MED12L: variants seen among roughly 807,000 people sequenced by gnomAD.
The protein encoded by MED12L is mediator of RNA polymerase II transcription subunit 12-like protein.
A neutral mutation model predicts 281.3 loss-of-function variants in MED12L; 60 were observed. The observed-to-expected ratio is 0.21, with a 90% CI of 0.17 to 0.26. The LOEUF is 0.26. MED12L is among the 10% of genes least tolerant of loss of function. MED12L has a pLI of 1.00. For missense variants in MED12L, 2,146 were observed against 2,680.9 expected, an observed-to-expected ratio of 0.80 and a Z score of 4.41; for synonymous variants, 974 against 987.2, an observed-to-expected ratio of 0.99 and a Z score of 0.25.
chr3:151,358,767 G>A (rs1754254298), intron 20 of MED12L, among the ~76,000 whole-genome samples: 1 of 152,100 alleles, frequency 6.6e-6, no homozygotes, highest in Non-Finnish European at 1.5e-5. Context: ...TATGTGAACA[G>A]TACACTGGAT....
Position 151,357,286 on chromosome 3 carries a change from C to T in MED12L, c.2735C>T (p.Thr912Ile). 1 of 1,613,816 alleles carries T rather than the reference C, an allele frequency of 6.2e-7. No homozygotes were observed. ...TCCAGCCTGGCAGGAAGTTATACAA[C>T]AGGACTGTGTGTCTGCATCGTGGCT... ...KSSSLAGSYTTGLCVCIVAVL... is the reference protein window; with the variant it reads ...KSSSLAGSYTIGLCVCIVAVL... Residue 912 changes from threonine (T) to isoleucine (I), a missense_variant, in exon 20 of 45, where the codon ACA (threonine) becomes ATA (isoleucine). Transcript: ENST00000687756.
At chr3:151,388,291 T>A (rs1713735860) in intron 37 of MED12L, 119 bp downstream of exon 37, 4 of 1,268,540 alleles carry the variant, frequency 3.2e-6, no homozygotes, top group Non-Finnish European at 4.3e-6. Flanking sequence ...TTATGACAGT[T>A]CTCCTAACAG....
chr3:151,166,377 A>C (rs1720713321), intron 11 of MED12L, among the ~76,000 whole-genome samples: 1 of 152,176 alleles, frequency 6.6e-6, no homozygotes, highest in South Asian at 2.1e-4. Flanking sequence ...TGATCTTTCA[A>C]AAATCCTTAG....
intron 16 of MED12L, among the ~76,000 whole-genome samples, chr3:151,333,619 A>G (rs538253812): frequency 3.3e-5 from 5 of 152,336 alleles, no homozygotes; most frequent in African/African-American, 1.2e-4. Context: ...TAGAGCATGT[A>G]TGTGTCCATA....
intron 16 of MED12L, chr3:151,294,261 A>AT (rs1559992905): frequency 9.3e-6 from 15 of 1,613,936 alleles, no homozygotes; most frequent in East Asian, 2.2e-5. Context: ...CTGATATTTG[A>AT]TTTTTTGAAC....
At chr3:151,182,427 AAACATTTTC>A (rs1353075274) in intron 11 of MED12L, among the ~76,000 whole-genome samples, 1 of 152,242 alleles carries the variant, frequency 6.6e-6, no homozygotes, top group African/African-American at 2.4e-5. Flanking sequence ...TAAGTGAAGA[AAACATTTTC>A]AGATAGCAGC....
chr3:151,249,841 A>G (rs1736488774), intron 16 of MED12L, among the ~76,000 whole-genome samples: 1 of 152,186 alleles, frequency 6.6e-6, no homozygotes, highest in African/African-American at 2.4e-5. Flanking sequence ...CAGTCATAAT[A>G]CATCTTTCAG....
intron 1 of MED12L, among the ~76,000 whole-genome samples, chr3:151,086,162 G>T (rs1260326480): frequency 6.6e-6 from 1 of 152,142 alleles, no homozygotes; most frequent in African/African-American, 2.4e-5. Flanking sequence ...CCAGCAGCGC[G>T]CCTCGGCGCC....
At chr3:151,242,995 C>A (rs1028351919) in intron 16 of MED12L, among the ~76,000 whole-genome samples, 95 of 151,582 alleles carry the variant, frequency 6.3e-4, no homozygotes, top group Non-Finnish European at 1.2e-3. Context: ...CCCATGCGAT[C>A]AACTGGAAGA....
At chr3:151,262,965 C>T (rs779679407) in intron 16 of MED12L, among the ~76,000 whole-genome samples, 17 of 152,048 alleles carry the variant, frequency 1.1e-4, no homozygotes, top group African/African-American at 3.9e-4. Context: ...CAGGGGAAGC[C>T]GTAGTTCTCT....
In MED12L at chr3:151,145,664, A is replaced by C. The variant is rs183174081; in HGVS notation, c.557-10497A>C. 3.7e-4 allele frequency among the ~76,000 whole-genome samples: 57 copies of C among 152,324 alleles called. No individual in the cohort carries two copies. In the East Asian group the frequency reaches 9.6e-3, roughly 26 times the overall value. ...AGTGTCCATGGGATCTCTTTCTTAC[A>C]CTTGGATGTGAATCTACAGTTATCT... On this transcript the variant is annotated intron_variant, in intron 5 of 44. Coordinates refer to ENST00000687756, the MANE Select transcript of MED12L (RefSeq NM_001393769.1).
intron 16 of MED12L, among the ~76,000 whole-genome samples, chr3:151,304,134 G>A (rs1263152630): frequency 1.3e-5 from 2 of 152,116 alleles, no homozygotes; most frequent in African/African-American, 4.8e-5. Flanking sequence ...ATGATTGTAA[G>A]GTGAGGAAGT....
Position 151,355,941 on chromosome 3 carries a change from A to G in MED12L, c.2563A>G (p.Thr855Ala), listed in dbSNP as rs1199397231. The change falls in exon 19 of 45, where the codon ACA becomes GCA. Residue 855 changes from threonine (T) to alanine (A), a missense_variant. Thr to Ala is a moderately conservative substitution (Grantham distance 58, BLOSUM62 0). Transcript: ENST00000687756. ...LEQITSFASG[T>A]SYHLPLAHHI... ...ACAAATCACAAGCTTTGCGTCAGGA[A>G]CATCCTATCATCTCCCTTTGGCTCA... 1 of 1,614,096 alleles carries G rather than the reference A, an allele frequency of 6.2e-7. No homozygotes were observed.
At chr3:151,204,252 C>G (rs548588101) in intron 16 of MED12L, among the ~76,000 whole-genome samples, 135 of 152,152 alleles carry the variant, frequency 8.9e-4, no homozygotes, top group Non-Finnish European at 1.7e-3. Context: ...AAGAAGATAC[C>G]TTTCCAGGAT....
chr3:151,287,102 G>A (rs2149650004), intron 16 of MED12L, among the ~76,000 whole-genome samples: 1 of 152,294 alleles, frequency 6.6e-6, no homozygotes, highest in Middle Eastern at 3.4e-3. Flanking sequence ...GTGTTCAGTA[G>A]ACATTAGGTA....
intron 32 of MED12L, among the ~76,000 whole-genome samples, chr3:151,381,207 A>G (rs955690284): frequency 1.3e-5 from 2 of 152,170 alleles, no homozygotes; most frequent in Non-Finnish European, 2.9e-5. Context: ...CTGTGTTTCT[A>G]TGACACCATG....
chr3:151,120,609 A>G (rs1299356603), intron 3 of MED12L, among the ~76,000 whole-genome samples: 5 of 152,236 alleles, frequency 3.3e-5, no homozygotes, highest in East Asian at 1.9e-4. Flanking sequence ...ATAATGAGCT[A>G]TACATACAAG....
intron 32 of MED12L, 104 bp downstream of exon 32, chr3:151,380,328 G>T (rs1712029028): frequency 2.7e-6 from 2 of 748,358 alleles, no homozygotes; most frequent in South Asian, 3.6e-5. Context: ...CAGGTGTGGT[G>T]GCTCATGCCT....
chr3:151,127,783 A>G, intron 4 of MED12L, 42 bp from the exon 5 acceptor site: 1 of 1,424,188 alleles, frequency 7.0e-7, no homozygotes, highest in Non-Finnish European at 9.8e-7. Flanking sequence ...TGATGAACAC[A>G]GTACGTGATT....
Sources: gnomAD v4.1 joint callset for allele counts (sites outside exome capture counted in the v4.1 genomes callset) on GRCh38, gnomAD v4.1.1 for gene constraint, MANE v1.5 for transcripts, NCBI Gene and HGNC (gene_info 2026-07-23, HGNC 2026-07-21) for gene names.